Variants in MBNL1 observed in about 807,000 individuals in gnomAD.
The protein encoded by MBNL1 is muscleblind-like protein 1.
In MBNL1, 8 loss-of-function variants were observed where a neutral mutation model predicts 42.2. The observed-to-expected ratio is 0.19, with a 90% CI of 0.11 to 0.34. The LOEUF (loss-of-function observed/expected upper bound fraction) is 0.34. Ranked by LOEUF, MBNL1 falls within the 10% of genes least tolerant of loss-of-function variation. The pLI, the probability that MBNL1 is intolerant of heterozygous loss-of-function variation, is 1.00. For missense variants in MBNL1, 309 were observed against 495.3 expected, an observed-to-expected ratio of 0.62 and a Z score of 3.57; for synonymous variants, 169 against 173.9, an observed-to-expected ratio of 0.97 and a Z score of 0.22.
intron 4 of MBNL1, among the ~76,000 whole-genome samples, chr3:152,442,532 A>T (rs1369771860): frequency 6.6e-6 from 1 of 152,228 alleles, no homozygotes; most frequent in Non-Finnish European, 1.5e-5. Context: ...TAAATGTTAT[A>T]ATTTCTTATC....
At chr3:152,427,794 T>A (rs114529578) in intron 3 of MBNL1, among the ~76,000 whole-genome samples, 10,121 of 150,588 alleles carry the variant, frequency 0.067, 880 homozygotes, top group East Asian at 0.31. Flanking sequence ...ATTAAAAAAA[T>A]TTTTTAAAAT....
intron 2 of MBNL1, among the ~76,000 whole-genome samples, chr3:152,329,719 T>G (rs2082951586): frequency 6.8e-6 from 1 of 147,124 alleles, no homozygotes. Context: ...AATATATATG[T>G]CATATATAAT....
chr3:152,318,269 A>G (rs2073600782), intron 2 of MBNL1, among the ~76,000 whole-genome samples: 2 of 152,208 alleles, frequency 1.3e-5, no homozygotes, highest in African/African-American at 4.8e-5. Context: ...TCACGTTACA[A>G]GCATTTTGAA....
intron 1 of MBNL1, among the ~76,000 whole-genome samples, chr3:152,271,824 T>TC (rs1437662073): frequency 1.3e-5 from 2 of 152,280 alleles, no homozygotes; most frequent in Non-Finnish European, 2.9e-5. Flanking sequence ...GAATGTGCTG[T>TC]CCAGTACAGT....
rs1052203571 is a variant in MBNL1, at chr3:152,269,264, G to C, written c.-790+172G>C. ...TCGCGTCCCTCAGCACCTCCTGCCC[G>C]GGGGAAGGCGGGAGGGTGAGCCGCA... On this transcript the variant is annotated intron_variant, in intron 1 of 9. Coordinates refer to ENST00000324210, the MANE Select transcript of MBNL1 (RefSeq NM_021038.5). 16 of 351,450 alleles carry C rather than the reference G, an allele frequency of 4.6e-5. No individual in the cohort carries two copies. The East Asian group carries it at 1.2e-3, about 26-fold the overall frequency. The allele number at this position is 351,450 out of a possible 1,614,324, so 21.8% of individuals were successfully genotyped here. A position where few individuals can be genotyped will look rare whatever the true frequency, so the allele number is the denominator to read the frequency against.
chr3:152,432,118 A>C (rs2099015305), intron 3 of MBNL1, among the ~76,000 whole-genome samples: 1 of 152,226 alleles, frequency 6.6e-6, no homozygotes, highest in Non-Finnish European at 1.5e-5. Context: ...CAGGAAAATC[A>C]CCATCAAGTA....
chr3:152,399,617 A>G (rs1188106862), intron 2 of MBNL1, among the ~76,000 whole-genome samples: 2 of 152,184 alleles, frequency 1.3e-5, no homozygotes, highest in Non-Finnish European at 1.5e-5. Context: ...GGCTTAAGCA[A>G]TTCTCCCAAG....
At chr3:152,436,757 A>G (rs2099083291) in intron 4 of MBNL1, among the ~76,000 whole-genome samples, 1 of 152,136 alleles carries the variant, frequency 6.6e-6, no homozygotes, top group African/African-American at 2.4e-5. Context: ...TTTGTCTTTG[A>G]GTTTTTTCTT....
intron 2 of MBNL1, among the ~76,000 whole-genome samples, chr3:152,409,831 A>G (rs1233521677): frequency 6.6e-6 from 1 of 152,142 alleles, no homozygotes; most frequent in Non-Finnish European, 1.5e-5. Context: ...GACTCCACAA[A>G]TCACAGTATT....
At chr3:152,309,580 T>G (rs540870407) in intron 2 of MBNL1, among the ~76,000 whole-genome samples, 5 of 152,304 alleles carry the variant, frequency 3.3e-5, no homozygotes, top group African/African-American at 1.2e-4. Context: ...TAGCTGACAG[T>G]AAATTACACA....
chr3:152,423,492 T>A (rs1560536059), intron 3 of MBNL1, among the ~76,000 whole-genome samples: 1 of 152,182 alleles, frequency 6.6e-6, no homozygotes. Context: ...ACAGGCGAAT[T>A]CTACCAGAGG....
chr3:152,267,531 G>A (rs1219481290), upstream of MBNL1: 2 of 152,178 alleles, frequency 1.3e-5, no homozygotes, highest in Non-Finnish European at 2.9e-5. Context: ...CGTAGCTTGG[G>A]GTAGATACTA....
At chr3:152,252,213 CTCCT>C (rs1421636987) in intron 2 of MBNL1, among the ~76,000 whole-genome samples, 4 of 122,948 alleles carry the variant, frequency 3.3e-5, no homozygotes, top group Non-Finnish European at 5.0e-5. Flanking sequence ...CCTTCCTTCC[CTCCT>C]TCCTTCCTTC....
chr3:152,448,351 T>C (rs1714708015), intron 6 of MBNL1, among the ~76,000 whole-genome samples: 1 of 152,192 alleles, frequency 6.6e-6, no homozygotes, highest in Admixed American at 6.5e-5. Context: ...ATTATGGAGT[T>C]CTACATTTGT....
intron 2 of MBNL1, among the ~76,000 whole-genome samples, chr3:152,367,982 C>T (rs770975604): frequency 2.6e-5 from 3 of 116,774 alleles, no homozygotes; most frequent in Non-Finnish European, 3.7e-5. Flanking sequence ...TGCCTGTTCA[C>T]ACTGATGATA....
At chr3:152,259,677 G>A (rs1035893348) in intron 2 of MBNL1, among the ~76,000 whole-genome samples, 3 of 152,118 alleles carry the variant, frequency 2.0e-5, no homozygotes, top group African/African-American at 7.2e-5. Context: ...GATTTCTTCC[G>A]ACCCTGCCTT....
At chr3:152,378,326 T>C (rs1319405121) in intron 2 of MBNL1, among the ~76,000 whole-genome samples, 1 of 152,116 alleles carries the variant, frequency 6.6e-6, no homozygotes, top group Non-Finnish European at 1.5e-5. Flanking sequence ...AAAGCAAGAC[T>C]CTATGTCTAT....
At chr3:152,373,726 G>A (rs1170232644) in intron 2 of MBNL1, among the ~76,000 whole-genome samples, 1 of 152,152 alleles carries the variant, frequency 6.6e-6, no homozygotes, top group Non-Finnish European at 1.5e-5. Context: ...TGATCTCACT[G>A]GGAGCTGCAG....
intron 2 of MBNL1, among the ~76,000 whole-genome samples, chr3:152,397,142 A>G (rs2097994299): frequency 6.6e-6 from 1 of 152,232 alleles, no homozygotes; most frequent in Admixed American, 6.5e-5. Flanking sequence ...GCTTAAAAAA[A>G]TCTTGGAGAT....
Sources: allele counts gnomAD v4.1 joint callset (sites outside exome capture counted in the v4.1 genomes callset), GRCh38; gene constraint gnomAD v4.1.1; transcripts MANE v1.5; gene names NCBI Gene and HGNC (gene_info 2026-07-23, HGNC 2026-07-21).